The following VWCE variants were observed in gnomAD, a reference collection of about 807,000 sequenced individuals.
The protein encoded by VWCE is von Willebrand factor C and EGF domains.
Under a neutral mutation model 102.9 loss-of-function variants are expected in VWCE, and 68 were observed. That is an observed-to-expected ratio of 0.66 (90% CI 0.54 to 0.81). The LOEUF (loss-of-function observed/expected upper bound fraction) is 0.81. Among genes scored for constraint, VWCE ranks in the 30% least tolerant of loss-of-function variants. The pLI is 0.00. For synonymous variants in VWCE, 497 were observed against 515.4 expected (o/e 0.96, Z 0.48); for missense variants, 1,137 against 1,263.6 (o/e 0.90, Z 1.52).
chr11:61,285,350 A>G (rs1362174591), intron 5 of VWCE, among the ~76,000 whole-genome samples: 1 of 152,170 alleles, frequency 6.6e-6, no homozygotes, highest in Non-Finnish European at 1.5e-5. Context: ...TTCTTTCCAT[A>G]ATGTGTAAAT....
chr11:61,285,716 C>T (rs1855298968), intron 5 of VWCE, among the ~76,000 whole-genome samples: 1 of 152,216 alleles, frequency 6.6e-6, no homozygotes, highest in South Asian at 2.1e-4. Flanking sequence ...CTCACGGCCT[C>T]TCCTCCATCA....
At chr11:61,268,896 G>A in intron 15 of VWCE, 26 bp downstream of exon 15, 5 of 1,610,668 alleles carry the variant, frequency 3.1e-6, no homozygotes, top group Non-Finnish European at 4.2e-6. Flanking sequence ...CTGCCCTGGG[G>A]GCTTGGGGCA....
chr11:61,292,726 A>G (rs759264863), intron 1 of VWCE, among the ~76,000 whole-genome samples: 1 of 152,144 alleles, frequency 6.6e-6, no homozygotes, highest in African/African-American at 2.4e-5. Context: ...ACCTTCAAGG[A>G]AAGTAGGGCA....
At position 61,258,930 on chromosome 11, in the gene VWCE, A is replaced by T. The variant is rs1417409866; in HGVS notation, c.2613T>A (p.Thr871=). The T allele has an allele frequency of 7.1e-6, 11 of 1,551,994 alleles. No homozygotes were observed. Among genetic ancestry groups the T allele is most frequent in the Non-Finnish European group, 9.5e-6 (11 of 1,152,644 alleles). Residue 871 remains threonine, a synonymous_variant, in exon 20 of 20, where the codon ACT becomes ACA. Transcript: ENST00000335613. ...CAGAGGCTGAGAACGAGCGCTCTGGAGTCACAGGAGGTGGCTGAGGAGCCC... is the reference window on the plus strand; with the variant it reads ...CAGAGGCTGAGAACGAGCGCTCTGGTGTCACAGGAGGTGGCTGAGGAGCCC... The part of the protein sequence containing the change: ...SPGAPQPPPV[T]PERSFSASGA...
chr11:61,280,247 C>T (rs1194793822), intron 9 of VWCE, among the ~76,000 whole-genome samples: 1 of 152,094 alleles, frequency 6.6e-6, no homozygotes, highest in African/African-American at 2.4e-5. Flanking sequence ...GAGAAGGGGA[C>T]TGCACAGTGG....
chr11:61,269,144 C>G (rs576599789), intron 14 of VWCE, 126 bp from the exon 15 acceptor site: 3 of 817,574 alleles, frequency 3.7e-6, no homozygotes, highest in South Asian at 3.2e-5. Context: ...CATGACGCGG[C>G]TGGAAGATGG....
Position 61,295,089 on chromosome 11 carries a change from G to T in VWCE, c.-52C>A. 1.7e-6 allele frequency: 2 copies of T among 1,160,302 alleles called. No individual in the cohort carries two copies. Among genetic ancestry groups the T allele is most frequent in the South Asian group, 2.7e-5 (1 of 36,876 alleles). The allele number at this position is 1,160,302 out of a possible 1,614,324, so 71.9% of individuals were successfully genotyped here. On this transcript the variant is annotated 5_prime_UTR_variant, in exon 1 of 20. Coordinates refer to ENST00000335613, the MANE Select transcript of VWCE (RefSeq NM_152718.2). This position sits in a 1 kb window ranked among gnomAD's most constrained non-coding sequence, Gnocchi z 4.6. ...TGGGCTCGGCTCCTGCGCCGCGCGC[G>T]GGAGAGGGGGCTGCCGGCCCTCGCC...
chr11:61,273,058 A>G, intron 13 of VWCE, 141 bp downstream of exon 13: 1 of 795,406 alleles, frequency 1.3e-6, no homozygotes, highest in Middle Eastern at 2.4e-4. Context: ...ACAAAAACTC[A>G]CACTCATACA....
intron 9 of VWCE, among the ~76,000 whole-genome samples, chr11:61,278,737 G>T (rs1855013764): frequency 6.6e-6 from 1 of 152,126 alleles, no homozygotes; most frequent in South Asian, 2.1e-4. Context: ...GGCAGGAAAG[G>T]CAGCCTGGTT....
chr11:61,267,079 G>A (rs779317163), intron 16 of VWCE, among the ~76,000 whole-genome samples: 20 of 152,154 alleles, frequency 1.3e-4, no homozygotes, highest in South Asian at 2.1e-4. Flanking sequence ...CCAACATGGC[G>A]AAATCCCGTC....
At position 61,285,493 on chromosome 11, in the gene VWCE, A is replaced by T. The variant is rs377296880; in HGVS notation, c.541+821T>A. 5.3e-5 allele frequency among the ~76,000 whole-genome samples: 8 copies of T among 152,076 alleles called. 1 individual carries two copies. The highest frequency in any genetic ancestry group is 4.6e-4 in the Admixed American group (7 of 15,258). ...TCCTAAGCTTGTTCTTCTGCTCCCC[A>T]TCAGACTTGGGGGATCCTACTCCCC... On this transcript the variant is annotated intron_variant, in intron 5 of 19. Coordinates refer to ENST00000335613, the MANE Select transcript of VWCE (RefSeq NM_152718.2).
At chr11:61,282,704 T>A (rs1276576171) in intron 6 of VWCE, 85 bp downstream of exon 6, 1 of 1,124,998 alleles carries the variant, frequency 8.9e-7, no homozygotes, top group African/African-American at 1.5e-5. Flanking sequence ...GTCTAATTGT[T>A]AACCTTCCCG....
chr11:61,273,404 A>G (rs1206352575), intron 12 of VWCE, 88 bp from the exon 13 acceptor site: 3 of 1,249,598 alleles, frequency 2.4e-6, no homozygotes, highest in African/African-American at 1.5e-5. Context: ...GCTGCCTGCC[A>G]TCACCCTCCC....
chr11:61,271,570 C>T (rs985351237), intron 14 of VWCE, 105 bp downstream of exon 14: 36 of 1,098,654 alleles, frequency 3.3e-5, no homozygotes, highest in Middle Eastern at 2.8e-4. Flanking sequence ...AGGGAGACTG[C>T]GGCCAGCCTG....
intron 3 of VWCE, 31 bp downstream of exon 3, chr11:61,291,233 T>C (rs1855493102): frequency 6.5e-7 from 1 of 1,534,676 alleles, no homozygotes; most frequent in African/African-American, 1.4e-5. Context: ...CATTCATCTG[T>C]TCCCATCAGC....
Position 61,295,010 on chromosome 11 carries a change from C to A in VWCE, c.28G>T (p.Ala10Ser), listed in dbSNP as rs1192544283. 6.8e-7 allele frequency: 1 copy of A among 1,470,400 alleles called. No homozygotes were observed. Among genetic ancestry groups the A allele is most frequent in the Admixed American group, 2.2e-5 (1 of 45,686 alleles). The allele number at this position is 1,470,400 out of a possible 1,614,324, so 91.1% of individuals were successfully genotyped here. Reference sequence around the variant, plus strand: ...CCCGGCAGCAGGAGCGCGACACAGGCGGCCCGAAGGAGCAGTCCGGCCCAC... The same window carrying A: ...CCCGGCAGCAGGAGCGCGACACAGGAGGCCCGAAGGAGCAGTCCGGCCCAC... MWAGLLLRA[A>S]CVALLLPGAP... is the part of the protein sequence containing the mutation. Residue 10 changes from alanine to serine, a missense_variant, in exon 1 of 20, where the codon GCC becomes TCC. By Grantham distance (99) the Ala-to-Ser change is moderately conservative (BLOSUM62 1). This residue lies in a region of VWCE where 575 missense variants were observed against 625.9 expected (regional missense o/e 0.92). Transcript: ENST00000335613. The surrounding 1 kb of genome is among the most constrained non-coding windows in gnomAD (Gnocchi z 4.6).
At chr11:61,292,885 A>G (rs1244975143) in intron 1 of VWCE, among the ~76,000 whole-genome samples, 1 of 152,062 alleles carries the variant, frequency 6.6e-6, no homozygotes, top group Non-Finnish European at 1.5e-5. Context: ...AGGCAGGCAG[A>G]TAACTTGAGG....
Position 61,280,606 on chromosome 11 carries a change from C to T in VWCE, c.1324+18G>A. The T allele has an allele frequency of 6.2e-7, 1 of 1,613,290 alleles. No individual in the cohort carries two copies. Among genetic ancestry groups the T allele is most frequent in the Non-Finnish European group, 8.5e-7 (1 of 1,179,538 alleles). On this transcript the variant is annotated intron_variant, in intron 9 of 19. Transcript: ENST00000335613. ...AGGAAGAGGCAGGACTATGTCCTTC[C>T]CTGGCACCAGCTCTCACCTGTGCAC... is the stretch of plus-strand genomic sequence containing the variant.
At position 61,293,657 on chromosome 11, in the gene VWCE, C is replaced by A. The variant is rs76103143; in HGVS notation, c.110+1271G>T. Among the ~76,000 whole-genome samples, 527 of 152,226 alleles carry A rather than the reference C, an allele frequency of 3.5e-3. 5 individuals carry two copies. The highest frequency in any genetic ancestry group is 0.012 in the African/African-American group (512 of 41,528). ...AATGGTGTTCCACCAATGTTCAGAG[C>A]GGAGGGAAGATGATTCTGCGAGGCA... On this transcript the variant is annotated intron_variant, in intron 1 of 19. Coordinates refer to ENST00000335613, the MANE Select transcript of VWCE (RefSeq NM_152718.2).
Sources: allele counts gnomAD v4.1 joint callset (sites outside exome capture counted in the v4.1 genomes callset), GRCh38; gene constraint gnomAD v4.1.1; regional missense constraint gnomAD v4.1.1; non-coding constraint Gnocchi (gnomAD v3.1); transcripts MANE v1.5; gene names NCBI Gene and HGNC (gene_info 2026-07-23, HGNC 2026-07-21).